KCTD1: variants seen among roughly 807,000 people sequenced by gnomAD.
KCTD1 encodes potassium channel tetramerization domain containing 1.
Under a neutral mutation model 66.0 loss-of-function variants are expected in KCTD1, and 24 were observed. The ratio of observed to expected loss-of-function variants is 0.36; its 90% CI spans 0.26 to 0.51. The LOEUF is 0.51. Among genes scored for constraint, KCTD1 ranks in the 20% least tolerant of loss-of-function variants. KCTD1 has a pLI of 0.95. For missense variants in KCTD1, 943 were observed against 1,205.2 expected (o/e 0.78, Z 3.22); for synonymous variants, 511 against 517.2 (o/e 0.99, Z 0.16).
At chr18:26,556,499 C>A (rs952490818) in intron 1 of KCTD1, among the ~76,000 whole-genome samples, 17 of 152,150 alleles carry the variant, frequency 1.1e-4, no homozygotes, top group Non-Finnish European at 2.5e-4. Context: ...TTCCCTTAAA[C>A]TAAAAAGCAC....
intron 3 of KCTD1, among the ~76,000 whole-genome samples, chr18:26,466,990 A>G (rs560501806): frequency 2.5e-4 from 38 of 152,318 alleles, no homozygotes; most frequent in African/African-American, 8.9e-4. Context: ...AAACTCAAAT[A>G]TAGTTGTGGA....
At chr18:26,625,964 A>C (rs1486013950) in intron 1 of KCTD1, among the ~76,000 whole-genome samples, 2 of 152,072 alleles carry the variant, frequency 1.3e-5, no homozygotes, top group African/African-American at 2.4e-5. Flanking sequence ...TGTATTTGGG[A>C]CTTCTGAATC....
upstream of KCTD1, among the ~76,000 whole-genome samples, chr18:26,633,549 T>A (rs1222628482): frequency 6.6e-6 from 1 of 152,186 alleles, no homozygotes; most frequent in African/African-American, 2.4e-5. Flanking sequence ...CCCAAATGTG[T>A]ACAGTATTAA....
intron 1 of KCTD1, among the ~76,000 whole-genome samples, chr18:26,602,229 G>T (rs1253560501): frequency 6.6e-6 from 1 of 152,064 alleles, no homozygotes; most frequent in Non-Finnish European, 1.5e-5. Flanking sequence ...TGAGATTTTT[G>T]TCCTTTATTC....
chr18:26,516,797 T>G (rs1170493132), intron 1 of KCTD1, among the ~76,000 whole-genome samples: 3 of 152,206 alleles, frequency 2.0e-5, no homozygotes, highest in African/African-American at 7.2e-5. Context: ...AGTGCTCTGA[T>G]CTCTTTCCAG....
chr18:26,584,333 C>T (rs966013696), intron 1 of KCTD1, among the ~76,000 whole-genome samples: 14 of 152,166 alleles, frequency 9.2e-5, no homozygotes, highest in African/African-American at 3.4e-4. Flanking sequence ...AAATATCTCA[C>T]TAACAATGTT....
chr18:26,468,370 G>A lies in KCTD1; in HGVS notation c.2133+8145C>T, dbSNP rs555497828. Among the ~76,000 whole-genome samples, 11 of 152,306 alleles carry A rather than the reference G, an allele frequency of 7.2e-5. No individual in the cohort carries two copies. The highest frequency in any genetic ancestry group is 2.6e-4 in the African/African-American group (11 of 41,566). On this transcript the variant is annotated intron_variant, in intron 3 of 4. Coordinates refer to ENST00000580059, the MANE Select transcript of KCTD1 (RefSeq NM_001142730.3). The surrounding 1 kb of genome is among the most constrained non-coding windows in gnomAD (Gnocchi z 4.8). ...TATCTCAAAGATGAAATGGGTATCC[G>A]GCTCGGACAGCACATTTGCGGAATG... is the stretch of plus-strand genomic sequence containing the variant.
chr18:26,628,338 GCA>G (rs150600993), intron 1 of KCTD1, among the ~76,000 whole-genome samples: 84 of 150,030 alleles, frequency 5.6e-4, no homozygotes, highest in African/African-American at 1.8e-3. Context: ...ACACACACAT[GCA>G]CACACACACA....
At chr18:26,617,863 G>C (rs967921663) in intron 1 of KCTD1, among the ~76,000 whole-genome samples, 4 of 126,044 alleles carry the variant, frequency 3.2e-5, no homozygotes, top group Non-Finnish European at 5.0e-5. Context: ...GAGGGAGGGA[G>C]GGAGGGAGGG....
intron 1 of KCTD1, among the ~76,000 whole-genome samples, chr18:26,636,917 C>T (rs1824759009): frequency 1.3e-5 from 2 of 152,228 alleles, no homozygotes; most frequent in Admixed American, 1.3e-4. Context: ...TTATCATCCT[C>T]ATTATACAGA....
At chr18:26,543,072 G>C (rs922683218) in intron 1 of KCTD1, 3 of 152,116 alleles carry the variant, frequency 2.0e-5, no homozygotes, top group Admixed American at 2.0e-4. Flanking sequence ...TTAATTTATA[G>C]ACTCCTGGTA....
chr18:26,541,896 A>G (rs1337264415), intron 1 of KCTD1, among the ~76,000 whole-genome samples: 1 of 152,172 alleles, frequency 6.6e-6, no homozygotes, highest in African/African-American at 2.4e-5. Context: ...CTTGAAAGAG[A>G]AGAGTAGGCA....
At chr18:26,650,018 T>C (rs1301039918) in intron 1 of KCTD1, among the ~76,000 whole-genome samples, 3 of 152,198 alleles carry the variant, frequency 2.0e-5, no homozygotes, top group East Asian at 1.9e-4. Flanking sequence ...CATCATTTCA[T>C]AGCGTAAGTG....
At chr18:26,648,434 C>T (rs946875055) in intron 1 of KCTD1, among the ~76,000 whole-genome samples, 1 of 152,236 alleles carries the variant, frequency 6.6e-6, no homozygotes, top group East Asian at 1.9e-4. Context: ...CAGAGGGACC[C>T]ACCCTGTAGC....
At chr18:26,530,993 G>A (rs1477247126) in intron 1 of KCTD1, among the ~76,000 whole-genome samples, 2 of 152,158 alleles carry the variant, frequency 1.3e-5, no homozygotes, top group Admixed American at 1.3e-4. Flanking sequence ...TCAGTACTTA[G>A]TACGCACCAA....
At chr18:26,462,033 CA>C (rs1980462457) in intron 3 of KCTD1, among the ~76,000 whole-genome samples, 1 of 152,188 alleles carries the variant, frequency 6.6e-6, no homozygotes, top group Admixed American at 6.5e-5. Context: ...ATGAAGCTAA[CA>C]GGAAGGACTT....
intron 1 of KCTD1, among the ~76,000 whole-genome samples, chr18:26,535,838 CT>C (rs1290572828): frequency 6.6e-6 from 1 of 152,020 alleles, no homozygotes; most frequent in African/African-American, 2.4e-5. Context: ...TTTTCCTCAT[CT>C]GTAGAATGGG....
intron 1 of KCTD1, among the ~76,000 whole-genome samples, chr18:26,616,480 C>T (rs201493157): frequency 5.8e-5 from 4 of 68,588 alleles, no homozygotes; most frequent in East Asian, 5.8e-4. Flanking sequence ...TATATATATA[C>T]ACACACACAT....
At chr18:26,583,646 T>C (rs1407310246) in intron 1 of KCTD1, among the ~76,000 whole-genome samples, 1 of 152,204 alleles carries the variant, frequency 6.6e-6, no homozygotes, top group African/African-American at 2.4e-5. Flanking sequence ...TGGATAAAAG[T>C]TTATTTCATC....
Sources: allele counts gnomAD v4.1 joint callset (sites outside exome capture counted in the v4.1 genomes callset), GRCh38; gene constraint gnomAD v4.1.1; non-coding constraint Gnocchi (gnomAD v3.1); transcripts MANE v1.5; gene names NCBI Gene and HGNC (gene_info 2026-07-23, HGNC 2026-07-21).